Variants in CRACD observed in about 807,000 individuals in gnomAD.
CRACD encodes the protein capping protein inhibiting regulator of actin dynamics.
CRACD carries 56 observed loss-of-function variants against 106.8 expected under a neutral mutation model. The observed-to-expected ratio is 0.52, with a 90% CI of 0.42 to 0.66. The LOEUF is 0.66. CRACD is among the 30% of genes least tolerant of loss of function. The probability of loss-of-function intolerance (pLI) is 0.00; values close to 1 mark genes in which losing one functional copy is unlikely to be tolerated. For missense variants in CRACD, 1,730 were observed against 1,623.2 expected, an observed-to-expected ratio of 1.07 and a Z score of -1.13; for synonymous variants, 754 against 670.8, an observed-to-expected ratio of 1.12 and a Z score of -1.92.
intron 1 of CRACD, among the ~76,000 whole-genome samples, chr4:56,071,280 C>T (rs890615134): frequency 2.0e-5 from 3 of 152,182 alleles, no homozygotes; most frequent in African/African-American, 7.2e-5. Context: ...AGTGTACCTG[C>T]AGTAACCAGT....
chr4:56,211,365 T>G (rs1738397354), intron 2 of CRACD, among the ~76,000 whole-genome samples: 2 of 152,204 alleles, frequency 1.3e-5, no homozygotes, highest in African/African-American at 4.8e-5. Context: ...TACTGCCTCC[T>G]GCAGGAGGAG....
In CRACD at chr4:56,119,175, G is replaced by C. The variant is rs191634637; in HGVS notation, c.-335-60109G>C. On this transcript the variant is annotated intron_variant, in intron 1 of 10. Transcript: ENST00000682029. ...TTCTCCAAAAAACACGGCAGAGTTAGAACTATCTCCAGAGACCATGCTCTT... is the reference window on the plus strand; with the variant it reads ...TTCTCCAAAAAACACGGCAGAGTTACAACTATCTCCAGAGACCATGCTCTT... Among the ~76,000 whole-genome samples the C allele has an allele frequency of 3.9e-4, 60 of 152,268 alleles. 1 individual carries two copies. The highest frequency in any genetic ancestry group is 2.2e-3 in the Admixed American group (33 of 15,300).
At position 56,316,186 on chromosome 4, in the gene CRACD, T is replaced by C. The variant is rs372660080; in HGVS notation, c.2684T>C (p.Met895Thr). The change falls in exon 8 of 11, where the codon ATG (methionine) becomes ACG (threonine). Residue 895 changes from methionine (M) to threonine (T), a missense_variant. Physicochemically the swap from Met to Thr is moderately conservative, Grantham distance 81. Transcript: ENST00000682029. Reference protein sequence around the residue: ...AAGSARGEKEMEGVALKHGPS... With the variant: ...AAGSARGEKETEGVALKHGPS... ...GGGAGCGCTCGTGGAGAGAAAGAGA[T>C]GGAGGGTGTGGCCCTCAAGCATGGT... The C allele has an allele frequency of 3.1e-6, 5 of 1,613,922 alleles. No individual in the cohort carries two copies. The highest frequency in any genetic ancestry group is 1.6e-4 in the Middle Eastern group (1 of 6,082).
chr4:56,101,794 A>G (rs1291357492), intron 1 of CRACD, among the ~76,000 whole-genome samples: 3 of 152,136 alleles, frequency 2.0e-5, no homozygotes, highest in Non-Finnish European at 4.4e-5. Context: ...GTGTTACTAA[A>G]CAATGTATGA....
chr4:56,291,392 A>G (rs1311074306), intron 3 of CRACD, among the ~76,000 whole-genome samples: 1 of 152,156 alleles, frequency 6.6e-6, no homozygotes, highest in African/African-American at 2.4e-5. Flanking sequence ...CACTTCCCAG[A>G]TGGTTAAGGA....
chr4:56,245,872 A>C (rs548293053), intron 2 of CRACD, among the ~76,000 whole-genome samples: 1 of 152,334 alleles, frequency 6.6e-6, no homozygotes, highest in African/African-American at 2.4e-5. Flanking sequence ...CTGGCATGTA[A>C]ACAGATTTTA....
chr4:56,149,461 A>G (rs6838670), intron 1 of CRACD, among the ~76,000 whole-genome samples: 75,245 of 152,038 alleles, frequency 0.49, 19,389 homozygotes, highest in East Asian at 0.65. Context: ...TTCTTTTGTG[A>G]CATTTCCTTA....
intron 1 of CRACD, among the ~76,000 whole-genome samples, chr4:56,055,011 C>A (rs900274736): frequency 1.3e-5 from 2 of 152,172 alleles, no homozygotes; most frequent in African/African-American, 4.8e-5. Flanking sequence ...ACAGAAGCTG[C>A]ATCCCTGAAA....
rs1732662771 is a variant in CRACD at position 56,071,864 on chromosome 4, A to C, written c.-336+22565A>C. Among the ~76,000 whole-genome samples, 10 of 150,198 alleles carry C rather than the reference A, an allele frequency of 6.7e-5. No homozygotes were observed. In the South Asian group the frequency reaches 2.2e-3, roughly 34 times the overall value. ...GAATTGGGGCCGGGCGCGGTGGCTC[A>C]CGCCTGTAATCCCAGCACTTTGGGA... On this transcript the variant is annotated intron_variant, in intron 1 of 10. Coordinates refer to ENST00000682029, the MANE Select transcript of CRACD (RefSeq NM_001393381.1).
At chr4:56,313,176 C>T in intron 6 of CRACD, 21 bp from the exon 7 acceptor site, 1 of 1,600,650 alleles carries the variant, frequency 6.2e-7, no homozygotes, top group Non-Finnish European at 8.5e-7. Context: ...AACTGACTTT[C>T]TATTTTAATC....
At chr4:56,299,936 A>G (rs778407219) in intron 4 of CRACD, among the ~76,000 whole-genome samples, 1 of 152,050 alleles carries the variant, frequency 6.6e-6, no homozygotes, top group African/African-American at 2.4e-5. Context: ...CAGGAGATCG[A>G]GACCATCCTG....
chr4:56,305,609 C>G (rs978079144), intron 4 of CRACD, among the ~76,000 whole-genome samples: 6 of 152,182 alleles, frequency 3.9e-5, no homozygotes, highest in African/African-American at 9.7e-5. Context: ...TCCCCACAAC[C>G]CTTCCAGGCT....
intron 2 of CRACD, among the ~76,000 whole-genome samples, chr4:56,254,560 A>T (rs767168334): frequency 6.6e-6 from 1 of 152,032 alleles, no homozygotes; most frequent in Non-Finnish European, 1.5e-5. Flanking sequence ...TCATCTATTC[A>T]ATAAGCAATC....
rs146506003 is a variant in CRACD, at chr4:56,286,780, G to A, written c.-16-11434G>A. 5.4e-3 allele frequency among the ~76,000 whole-genome samples: 826 copies of A among 152,148 alleles called. 8 individuals carry two copies. The highest frequency in any genetic ancestry group is 0.019 in the African/African-American group (793 of 41,496). On this transcript the variant is annotated intron_variant, in intron 3 of 10. Coordinates refer to ENST00000682029, the MANE Select transcript of CRACD (RefSeq NM_001393381.1). ...GTCCTCTGGCTCCCACTGCTGCCGTGGTCAGGGTGATGAGCATCATGCCAG... is the reference window on the plus strand; with the variant it reads ...GTCCTCTGGCTCCCACTGCTGCCGTAGTCAGGGTGATGAGCATCATGCCAG...
At chr4:56,131,849 T>C (rs1240623451) in intron 1 of CRACD, among the ~76,000 whole-genome samples, 1 of 152,126 alleles carries the variant, frequency 6.6e-6, no homozygotes, top group Non-Finnish European at 1.5e-5. Context: ...TTATATATGT[T>C]AAAATAGTAT....
chr4:56,049,402 G>C (rs1417656951), intron 1 of CRACD, 103 bp downstream of exon 1: 1 of 151,932 alleles, frequency 6.6e-6, no homozygotes, highest in Non-Finnish European at 1.5e-5. Context: ...GCAGCGCCCC[G>C]GGACTCCAGG....
rs562098336 is a variant in CRACD, at chr4:56,114,124, C to G, written c.-336+64825C>G. 4.0e-4 allele frequency among the ~76,000 whole-genome samples: 61 copies of G among 152,018 alleles called. 1 individual carries two copies. In the East Asian group the frequency reaches 7.8e-3, roughly 20 times the overall value. ...AGTGTCTAGAGTAGGCAACCCATGG[C>G]TGATCTGGTGGCTCAATTATGTTGC... is the stretch of plus-strand genomic sequence containing the variant. On this transcript the variant is annotated intron_variant, in intron 1 of 10. Transcript: ENST00000682029.
In CRACD at chr4:56,315,601, G is replaced by A; in HGVS notation, c.2099G>A (p.Arg700Lys). Residue 700 changes from arginine to lysine, a missense_variant, in exon 8 of 11, where the codon AGG becomes AAG. By Grantham distance (26) the Arg-to-Lys change is conservative (BLOSUM62 2). Coordinates refer to ENST00000682029, the MANE Select transcript of CRACD (RefSeq NM_001393381.1). The surrounding 1 kb of genome is among the most constrained non-coding windows in gnomAD (Gnocchi z 4.1). ...AGGCCCGGTGATGAGTCCACTCCCA[G>A]GGGCCGGTGTGATTCCCGCGGGAAC... is the stretch of plus-strand genomic sequence containing the variant. ...QLRPGDESTP[R>K]GRCDSRGNQR... The A allele has an allele frequency of 6.2e-7, 1 of 1,614,188 alleles. No homozygotes were observed. Among genetic ancestry groups the A allele is most frequent in the South Asian group, 1.1e-5 (1 of 91,080 alleles).
chr4:56,057,816 T>A (rs1426433292), intron 1 of CRACD, among the ~76,000 whole-genome samples: 2 of 53,412 alleles, frequency 3.7e-5, no homozygotes, highest in Non-Finnish European at 6.9e-5. Flanking sequence ...TTTTTTTTGT[T>A]TTTTTTTTTT....
Sources: allele counts gnomAD v4.1 joint callset (sites outside exome capture counted in the v4.1 genomes callset), GRCh38; gene constraint gnomAD v4.1.1; non-coding constraint Gnocchi (gnomAD v3.1); transcripts MANE v1.5; gene names NCBI Gene and HGNC (gene_info 2026-07-23, HGNC 2026-07-21).